CNOT6: variants seen among roughly 807,000 people sequenced by gnomAD.
CNOT6 encodes the protein CCR4-NOT transcription complex subunit 6.
A neutral mutation model predicts 61.2 loss-of-function variants in CNOT6; 12 were observed. That is an observed-to-expected ratio of 0.20 (90% CI 0.13 to 0.32). CNOT6 has a LOEUF of 0.32. Ranked by LOEUF, CNOT6 falls within the 10% of genes least tolerant of loss-of-function variation. CNOT6 has a pLI of 1.00. For missense variants in CNOT6, 405 were observed against 663.9 expected (o/e 0.61, Z 4.28); for synonymous variants, 225 against 240.6 (o/e 0.94, Z 0.60).
intron 2 of CNOT6, among the ~76,000 whole-genome samples, chr5:180,543,925 T>C (rs1759172735): frequency 6.6e-6 from 1 of 152,056 alleles, no homozygotes; most frequent in Non-Finnish European, 1.5e-5. Flanking sequence ...ATTCTCCTGC[T>C]TCAGCCTCTC....
intron 2 of CNOT6, among the ~76,000 whole-genome samples, chr5:180,540,987 TTTTG>T (rs1429503211): frequency 2.0e-5 from 3 of 152,148 alleles, no homozygotes; most frequent in Admixed American, 1.3e-4. Context: ...ATTTTTTTGT[TTTTG>T]TTTATTTTTT....
intron 4 of CNOT6, among the ~76,000 whole-genome samples, chr5:180,559,436 T>G (rs750229803): frequency 6.6e-6 from 1 of 152,216 alleles, no homozygotes; most frequent in Non-Finnish European, 1.5e-5. Context: ...CTGCTTTCCT[T>G]TGATCAACTT....
chr5:180,537,251 T>G (rs1203559176), intron 2 of CNOT6, among the ~76,000 whole-genome samples: 2 of 152,234 alleles, frequency 1.3e-5, no homozygotes, highest in African/African-American at 4.8e-5. Flanking sequence ...AGTGGCTGTA[T>G]CATTTTGCCC....
intron 1 of CNOT6, among the ~76,000 whole-genome samples, chr5:180,520,900 AGTGGCGC>A: frequency 6.7e-6 from 1 of 149,924 alleles, no homozygotes; most frequent in East Asian, 2.0e-4. Flanking sequence ...GCTGGAGTGC[AGTGGCGC>A]AACCTCAGCT....
At chr5:180,515,259 A>G (rs1479593488) in intron 1 of CNOT6, among the ~76,000 whole-genome samples, 1 of 151,586 alleles carries the variant, frequency 6.6e-6, no homozygotes, top group African/African-American at 2.4e-5. Context: ...ATCTCTACAA[A>G]AAAAAAAAGA....
intron 2 of CNOT6, among the ~76,000 whole-genome samples, chr5:180,539,605 T>G (rs1252432934): frequency 2.3e-5 from 2 of 86,050 alleles, no homozygotes; most frequent in Non-Finnish European, 4.2e-5. Flanking sequence ...TTTTTTTTTT[T>G]TTGAGACGGA....
intron 1 of CNOT6, among the ~76,000 whole-genome samples, chr5:180,517,577 CTCTT>C (rs2127709994): frequency 6.6e-6 from 1 of 151,636 alleles, no homozygotes; most frequent in Non-Finnish European, 1.5e-5. Context: ...GACAGTCTCT[CTCTT>C]TTGCCAGGCT....
At chr5:180,541,520 T>C (rs935832485) in intron 2 of CNOT6, among the ~76,000 whole-genome samples, 1 of 138,848 alleles carries the variant, frequency 7.2e-6, no homozygotes, top group African/African-American at 2.7e-5. Flanking sequence ...GGTGCAATCT[T>C]GGCTCACTGC....
In CNOT6 at chr5:180,571,212, A is replaced by T. The variant is rs181718034; in HGVS notation, c.1259-18A>T. The stretch of plus-strand genomic sequence containing the variant: ...TTTTGTATATATTTGACAATAAAAA[A>T]ATTTGTCTTCATTGTAGGTGTTGTA... On this transcript the variant is annotated intron_variant, in intron 10 of 11. Transcript: ENST00000261951. 1.3e-6 allele frequency: 2 copies of T among 1,571,466 alleles called. No individual in the cohort carries two copies. Among genetic ancestry groups the T allele is most frequent in the Admixed American group, 1.7e-5 (1 of 57,916 alleles).
At chr5:180,548,463 T>C (rs1759425897) in intron 2 of CNOT6, among the ~76,000 whole-genome samples, 1 of 152,208 alleles carries the variant, frequency 6.6e-6, no homozygotes, top group Non-Finnish European at 1.5e-5. Context: ...TGTTCTCTTC[T>C]CTTCTCTCTG....
chr5:180,524,128 T>G (rs1262957359), intron 1 of CNOT6, among the ~76,000 whole-genome samples: 1 of 152,164 alleles, frequency 6.6e-6, no homozygotes, highest in African/African-American at 2.4e-5. Context: ...ACTAGTTAGG[T>G]GCTATATGCC....
chr5:180,496,405 CGTGTGAGAGCGCATGAGT>C (rs1382751926), intron 1 of CNOT6, among the ~76,000 whole-genome samples: 1 of 152,052 alleles, frequency 6.6e-6, no homozygotes, highest in Non-Finnish European at 1.5e-5. Context: ...GGTTTGTGTG[CGTGTGAGAGCGCATGAGT>C]GTGCGACCTA....
At chr5:180,525,259 G>A (rs958641165) in intron 1 of CNOT6, among the ~76,000 whole-genome samples, 9 of 152,128 alleles carry the variant, frequency 5.9e-5, no homozygotes, top group Admixed American at 3.3e-4. Flanking sequence ...AAAGTAGGCC[G>A]GGTGCGGTGG....
chr5:180,509,876 A>G lies in CNOT6; in HGVS notation c.-3+15113A>G, dbSNP rs1003695511. The stretch of plus-strand genomic sequence containing the variant: ...AGCTACTCTTTGTTAAATTCCTCCT[A>G]TGCAATTCATATGGTTTGCTTTGGG... On this transcript the variant is annotated intron_variant, in intron 1 of 11. Transcript: ENST00000261951. Among the ~76,000 whole-genome samples, 42 of 125,778 alleles carry G rather than the reference A, an allele frequency of 3.3e-4. 1 individual carries two copies. Among genetic ancestry groups the G allele is most frequent in the African/African-American group, 1.3e-3 (41 of 32,574 alleles). The allele number at this position is 125,778 out of a possible 152,430, so 82.5% of individuals were successfully genotyped here.
rs1287534630 is a variant in CNOT6, at chr5:180,529,301, C to T, written c.25C>T (p.Pro9Ser). The change falls in exon 2 of 12, where the codon CCT becomes TCT. Residue 9 changes from proline (P) to serine (S), a missense_variant. Around this residue, in one of 5 missense-constraint regions of CNOT6, gnomAD observed 212 missense variants for 307.1 expected, o/e 0.69. Transcript: ENST00000261951. The stretch of plus-strand genomic sequence containing the variant: ...CATGCCCAAAGAAAAATACGAGCCC[C>T]CTGACCCTCGGAGGATGTATACAAT... Reference protein sequence around the residue: MPKEKYEPPDPRRMYTIMS... With the variant: MPKEKYEPSDPRRMYTIMS... 2 of 1,612,936 alleles carry T rather than the reference C, an allele frequency of 1.2e-6. No homozygotes were observed. The highest frequency in any genetic ancestry group is 2.2e-5 in the South Asian group (2 of 90,962).
intron 1 of CNOT6, among the ~76,000 whole-genome samples, chr5:180,516,340 C>T (rs1314807994): frequency 1.3e-5 from 2 of 152,014 alleles, no homozygotes; most frequent in South Asian, 2.1e-4. Flanking sequence ...CCACCACACC[C>T]GGCTAATTTT....
chr5:180,554,468 A>T (rs1759777366), intron 4 of CNOT6, among the ~76,000 whole-genome samples: 1 of 151,814 alleles, frequency 6.6e-6, no homozygotes, highest in African/African-American at 2.4e-5. Context: ...AAATACAGTT[A>T]TATAAAAGGT....
At chr5:180,560,096 C>T (rs1233292984) in intron 4 of CNOT6, among the ~76,000 whole-genome samples, 1 of 151,858 alleles carries the variant, frequency 6.6e-6, no homozygotes, top group Non-Finnish European at 1.5e-5. Flanking sequence ...TACAGGCACC[C>T]ACCACCATGC....
intron 2 of CNOT6, among the ~76,000 whole-genome samples, chr5:180,540,979 T>G (rs1344350046): frequency 1.3e-5 from 2 of 152,162 alleles, no homozygotes; most frequent in Admixed American, 6.5e-5. Context: ...TGCCAGTGAT[T>G]TTTTTGTTTT....
Sources: gnomAD v4.1 joint callset for allele counts (sites outside exome capture counted in the v4.1 genomes callset) on GRCh38, gnomAD v4.1.1 for gene constraint, gnomAD v4.1.1 regional missense constraint, MANE v1.5 for transcripts, NCBI Gene and HGNC (gene_info 2026-07-23, HGNC 2026-07-21) for gene names.